CARMIL1: variants seen among roughly 807,000 people sequenced by gnomAD.
CARMIL1 encodes F-actin-uncapping protein LRRC16A.
In CARMIL1, 90 loss-of-function variants were observed where a neutral mutation model predicts 177.1. The ratio of observed to expected loss-of-function variants is 0.51; its 90% confidence interval spans 0.43 to 0.61. The LOEUF (loss-of-function observed/expected upper bound fraction) is 0.61, where lower values mean the gene tolerates loss of function less well. Ranked by LOEUF, CARMIL1 falls within the 20% of genes least tolerant of loss-of-function variation. The pLI, the probability that CARMIL1 is intolerant of heterozygous loss-of-function variation, is 0.00. For missense variants in CARMIL1, 1,380 were observed against 1,667.0 expected (o/e 0.83, Z 3.00); for synonymous variants, 577 against 606.2 (o/e 0.95, Z 0.71).
At chr6:25,487,878 G>T (rs1469465512) in intron 12 of CARMIL1, among the ~76,000 whole-genome samples, 2 of 152,092 alleles carry the variant, frequency 1.3e-5, no homozygotes, top group African/African-American at 2.4e-5. Context: ...GTTAATTTGA[G>T]CCATTTATGT....
intron 2 of CARMIL1, among the ~76,000 whole-genome samples, chr6:25,292,321 T>C (rs535932924): frequency 4.7e-4 from 72 of 152,340 alleles, no homozygotes; most frequent in Admixed American, 7.8e-4. Flanking sequence ...AATTGAGCTT[T>C]AGAAAACAGC....
At chr6:25,323,540 T>C (rs1417689044) in intron 2 of CARMIL1, among the ~76,000 whole-genome samples, 1 of 151,964 alleles carries the variant, frequency 6.6e-6, no homozygotes, top group African/African-American at 2.4e-5. Context: ...GCCCAGGAGT[T>C]TGAGGCTGCC....
intron 5 of CARMIL1, among the ~76,000 whole-genome samples, chr6:25,443,093 A>G (rs181281693): frequency 7.9e-5 from 12 of 152,356 alleles, no homozygotes; most frequent in African/African-American, 2.6e-4. Context: ...TATGGAAACA[A>G]AGCAAGAATT....
rs562728486 is a variant in CARMIL1 at position 25,351,595 on chromosome 6, C to T, written c.138+66686C>T. Among the ~76,000 whole-genome samples the T allele has an allele frequency of 5.9e-5, 9 of 152,284 alleles. No homozygotes were observed. The South Asian group carries it at 1.0e-3, about 18-fold the overall frequency. ...GGTTTTTGGTGCATTTAGTTGGATG[C>T]GAGGTTGCCTTTTCACTTCCTTCAT... is the stretch of plus-strand genomic sequence containing the variant. On this transcript the variant is annotated intron_variant, in intron 2 of 36. Coordinates refer to ENST00000329474, the MANE Select transcript of CARMIL1 (RefSeq NM_017640.6).
intron 2 of CARMIL1, among the ~76,000 whole-genome samples, chr6:25,402,837 C>T (rs1277337866): frequency 6.6e-6 from 1 of 152,042 alleles, no homozygotes; most frequent in South Asian, 2.1e-4. Flanking sequence ...CCCATTCTCC[C>T]TTTTCCCAAA....
chr6:25,517,489 G>T, intron 22 of CARMIL1, 74 bp downstream of exon 22: 5 of 1,155,654 alleles, frequency 4.3e-6, no homozygotes, highest in South Asian at 1.3e-5. Flanking sequence ...TACCTGTTGG[G>T]TAATAGAATC....
At position 25,509,725 on chromosome 6, in the gene CARMIL1, A is replaced by C. The variant is rs200220558; in HGVS notation, c.1465A>C (p.Ile489Leu). 5 of 1,592,762 alleles carry C rather than the reference A, an allele frequency of 3.1e-6. No homozygotes were observed. Among genetic ancestry groups the C allele is most frequent in the Middle Eastern group, 1.7e-4 (1 of 6,024 alleles). The change falls in exon 18 of 37, where the codon ATC (isoleucine) becomes CTC (leucine). Residue 489 changes from isoleucine to leucine, a missense_variant. Physicochemically the swap from Ile to Leu is conservative, Grantham distance 5. Transcript: ENST00000329474. This position sits in a 1 kb window ranked among gnomAD's most constrained non-coding sequence, Gnocchi z 4.1. ...AEIHNITSLDISDNGLESDLS... is the reference protein window; with the variant it reads ...AEIHNITSLDLSDNGLESDLS... Reference sequence around the variant, plus strand: ...AATACACAACATCACCAGCTTAGACATCTCTGACAATGGTAAGTCAGATAT... The same window carrying C: ...AATACACAACATCACCAGCTTAGACCTCTCTGACAATGGTAAGTCAGATAT...
chr6:25,474,547 T>G (rs1801366536), intron 11 of CARMIL1, among the ~76,000 whole-genome samples: 2 of 152,218 alleles, frequency 1.3e-5, no homozygotes, highest in South Asian at 4.1e-4. Context: ...CCAGCGTAAC[T>G]TGTCATCATC....
intron 26 of CARMIL1, among the ~76,000 whole-genome samples, chr6:25,543,096 A>C (rs1036828965): frequency 3.9e-5 from 6 of 152,190 alleles, no homozygotes; most frequent in African/African-American, 1.4e-4. Context: ...AAAGGAACCT[A>C]GCAGGCCTAG....
rs530934903 is a variant in CARMIL1, at chr6:25,346,927, G to T, written c.138+62018G>T. Among the ~76,000 whole-genome samples the T allele has an allele frequency of 4.2e-4, 64 of 152,286 alleles. No individual in the cohort carries two copies. The South Asian group carries it at 0.013, about 31-fold the overall frequency. On this transcript the variant is annotated intron_variant, in intron 2 of 36. Coordinates refer to ENST00000329474, the MANE Select transcript of CARMIL1 (RefSeq NM_017640.6). ...CCTGCAGCTTTTCATGCTGCTTTAAGTGAGTCCCATTCATGGTACAGTTCT... is the reference window on the plus strand; with the variant it reads ...CCTGCAGCTTTTCATGCTGCTTTAATTGAGTCCCATTCATGGTACAGTTCT...
At chr6:25,335,067 A>G (rs958639769) in intron 2 of CARMIL1, among the ~76,000 whole-genome samples, 4 of 152,228 alleles carry the variant, frequency 2.6e-5, no homozygotes, top group Non-Finnish European at 4.4e-5. Context: ...TCTGGAGGAA[A>G]AACTCAGTTT....
Position 25,610,100 on chromosome 6 carries a change from G to A in CARMIL1, c.3898G>A (p.Val1300Ile). The A allele has an allele frequency of 6.2e-7, 1 of 1,613,898 alleles. No individual in the cohort carries two copies. Among genetic ancestry groups the A allele is most frequent in the East Asian group, 2.2e-5 (1 of 44,876 alleles). Residue 1300 changes from valine (V) to isoleucine (I), a missense_variant, in exon 36 of 37, where the codon GTC becomes ATC. Physicochemically the swap from Val to Ile is conservative, Grantham distance 29 (BLOSUM62 3). Transcript: ENST00000329474. The stretch of plus-strand genomic sequence containing the variant: ...CCCGAAAGTTGCCCTTCTTCCACCT[G>A]TCCTGAAAAAAGTTCCTTCAGACAA... ...SSPKVALLPP[V>I]LKKVPSDKER...
intron 2 of CARMIL1, among the ~76,000 whole-genome samples, chr6:25,401,328 ATG>A (rs1453667432): frequency 1.3e-5 from 2 of 151,982 alleles, no homozygotes; most frequent in African/African-American, 4.8e-5. Flanking sequence ...CACACACAAA[ATG>A]TGTGTGTTTA....
intron 12 of CARMIL1, among the ~76,000 whole-genome samples, chr6:25,484,862 G>A (rs972556388): frequency 1.3e-5 from 2 of 152,026 alleles, no homozygotes; most frequent in Non-Finnish European, 2.9e-5. Flanking sequence ...AGTTTAAGTC[G>A]TTTATAAGAT....
rs544769233 is a variant in CARMIL1, at chr6:25,319,035, A to G, written c.138+34126A>G. 2.0e-5 allele frequency among the ~76,000 whole-genome samples: 3 copies of G among 152,312 alleles called. No individual in the cohort carries two copies. In the East Asian group the frequency reaches 5.8e-4, roughly 29 times the overall value. ...GCTCTTATTAGCTGTTTACTCATGA[A>G]TTAGGCAATTTAATTTGGGTAGAGG... is the stretch of plus-strand genomic sequence containing the variant. On this transcript the variant is annotated intron_variant, in intron 2 of 36. Transcript: ENST00000329474.
At chr6:25,532,743 A>G (rs1024433632) in intron 24 of CARMIL1, among the ~76,000 whole-genome samples, 17 of 152,060 alleles carry the variant, frequency 1.1e-4, no homozygotes, top group African/African-American at 3.9e-4. Flanking sequence ...TCAACATTCT[A>G]TTTTCGTTTT....
intron 5 of CARMIL1, among the ~76,000 whole-genome samples, chr6:25,448,320 C>A (rs1409544664): frequency 6.6e-6 from 1 of 152,150 alleles, no homozygotes; most frequent in Non-Finnish European, 1.5e-5. Flanking sequence ...GGGATTTTGC[C>A]TTGCTCCCCA....
rs1404817519 is a variant in CARMIL1 at position 25,600,355 on chromosome 6, AAGG to A, written c.3167_3169del (p.Gly1056del). On this transcript the variant is annotated inframe_deletion, in exon 33 of 37. Coordinates refer to ENST00000329474, the MANE Select transcript of CARMIL1 (RefSeq NM_017640.6). The stretch of plus-strand genomic sequence containing the variant: ...GGCTCAGAGTCCCATGAGCTTAATG[AAGG>A]AGGAGATGAAAAGAAAAAGCGAGAT... 6.2e-7 allele frequency: 1 copy of A among 1,613,960 alleles called. No individual in the cohort carries two copies. Among genetic ancestry groups the A allele is most frequent in the East Asian group, 2.2e-5 (1 of 44,888 alleles).
rs567163891 is a variant in CARMIL1, at chr6:25,549,472, A to G, written c.2329-1438A>G. Reference sequence around the variant, plus strand: ...CTTGCATCTCTTGCAGATGATTGGTATAGGAGCTTTCTTGAAAAATATACT... The same window carrying G: ...CTTGCATCTCTTGCAGATGATTGGTGTAGGAGCTTTCTTGAAAAATATACT... On this transcript the variant is annotated intron_variant, in intron 26 of 36. Transcript: ENST00000329474. 1.4e-4 allele frequency among the ~76,000 whole-genome samples: 21 copies of G among 152,308 alleles called. 1 individual carries two copies. The highest frequency in any genetic ancestry group is 1.2e-3 in the Admixed American group (19 of 15,294).
Sources: gnomAD v4.1 joint callset for allele counts (sites outside exome capture counted in the v4.1 genomes callset) on GRCh38, gnomAD v4.1.1 for gene constraint, Gnocchi (gnomAD v3.1) non-coding constraint, MANE v1.5 for transcripts, NCBI Gene and HGNC (gene_info 2026-07-23, HGNC 2026-07-21) for gene names.